HELZ: variants seen among roughly 807,000 people sequenced by gnomAD.
HELZ encodes the protein ATP-dependent RNA helicase with zinc finger domain.
HELZ carries 23 observed loss-of-function variants against 218.2 expected under a neutral mutation model. That is an observed-to-expected ratio of 0.11 (90% CI 0.08 to 0.15). The LOEUF is 0.15. HELZ is among the 10% of genes least tolerant of loss of function. The pLI is 1.00. For synonymous variants in HELZ, 814 were observed against 829.4 expected, an observed-to-expected ratio of 0.98 and a Z score of 0.32; for missense variants, 1,813 against 2,353.7, an observed-to-expected ratio of 0.77 and a Z score of 4.75.
At chr17:67,220,910 A>C (rs1304418692) in intron 3 of HELZ, among the ~76,000 whole-genome samples, 5 of 145,152 alleles carry the variant, frequency 3.4e-5, no homozygotes, top group African/African-American at 1.3e-4. Context: ...TTCCCTTTAA[A>C]CTTCCTCAGC....
chr17:67,233,536 C>A (rs2041094374), intron 3 of HELZ, among the ~76,000 whole-genome samples: 1 of 152,086 alleles, frequency 6.6e-6, no homozygotes, highest in Non-Finnish European at 1.5e-5. Flanking sequence ...CTTGAAGCTT[C>A]CATGTTGGTT....
chr17:67,170,454 C>A (rs941137094), intron 13 of HELZ, among the ~76,000 whole-genome samples: 1 of 152,004 alleles, frequency 6.6e-6, no homozygotes, highest in African/African-American at 2.4e-5. Context: ...GCGGAGGTTG[C>A]AGTGAGCTGA....
intron 12 of HELZ, among the ~76,000 whole-genome samples, chr17:67,184,820 C>CAAATAAATAAATAAATAAAT (rs3048665): frequency 1.1e-4 from 16 of 149,972 alleles, no homozygotes; most frequent in Admixed American, 3.3e-4. Flanking sequence ...TGTCTCTAAA[C>CAAATAAATAAATAAATAAAT]AAATAAATAA....
intron 12 of HELZ, among the ~76,000 whole-genome samples, chr17:67,183,232 C>T (rs919073263): frequency 2.6e-5 from 4 of 152,200 alleles, no homozygotes; most frequent in Non-Finnish European, 4.4e-5. Context: ...TCCTTTCTTT[C>T]ACCCAAACTG....
At chr17:67,245,499 G>T (rs2041460371), upstream of HELZ, 1 of 985,736 alleles carries the variant, frequency 1.0e-6, no homozygotes, top group East Asian at 1.1e-4. Context: ...GACGCCCCGC[G>T]TCTGCATTGA....
intron 8 of HELZ, 22 bp downstream of exon 8, chr17:67,195,397 T>C (rs1192974870): frequency 1.3e-6 from 2 of 1,502,894 alleles, no homozygotes; most frequent in Non-Finnish European, 1.9e-6. Flanking sequence ...CTACCAGAAG[T>C]TACACAGCAT....
intron 13 of HELZ, among the ~76,000 whole-genome samples, chr17:67,170,203 C>T (rs530111340): frequency 6.6e-6 from 1 of 152,312 alleles, no homozygotes; most frequent in South Asian, 2.1e-4. Context: ...ACTCCCAGGG[C>T]TCCATTAAGC....
In HELZ at chr17:67,078,090, T is replaced by TA. The variant is rs1416427735; in HGVS notation, c.*161dup. On this transcript the variant is annotated 3_prime_UTR_variant, in exon 33 of 33. Coordinates refer to ENST00000358691, the MANE Select transcript of HELZ (RefSeq NM_014877.4). Reference sequence around the variant, plus strand: ...AAATGCAAAATAATGGAATATACTTTAAAAAAATTAGTTGCAAGTCTAGCA... The same window carrying TA: ...AAATGCAAAATAATGGAATATACTTTAAAAAAAATTAGTTGCAAGTCTAGCA... The TA allele has an allele frequency of 6.9e-6, 4 of 580,212 alleles. No individual in the cohort carries two copies. The highest frequency in any genetic ancestry group is 1.2e-5 in the Non-Finnish European group (4 of 331,140). The allele number at this position is 580,212 out of a possible 1,614,324, so 35.9% of individuals were successfully genotyped here. A position where few individuals can be genotyped will look rare whatever the true frequency, so the allele number is the denominator to read the frequency against.
chr17:67,162,061 T>C (rs536722381), intron 15 of HELZ, among the ~76,000 whole-genome samples: 1 of 152,322 alleles, frequency 6.6e-6, no homozygotes, highest in Non-Finnish European at 1.5e-5. Flanking sequence ...TGTGAGGCTA[T>C]ATTGTACTTA....
chr17:67,205,056 G>A (rs1042600620), intron 5 of HELZ, among the ~76,000 whole-genome samples: 7 of 152,150 alleles, frequency 4.6e-5, no homozygotes, highest in South Asian at 4.1e-4. Context: ...GCCAGGCATG[G>A]TGGCTCATGC....
intron 20 of HELZ, 137 bp from the exon 21 acceptor site, chr17:67,146,027 T>C (rs2038486174): frequency 1.4e-6 from 1 of 722,712 alleles, no homozygotes; most frequent in Non-Finnish European, 2.2e-6. Flanking sequence ...CATCTAATAC[T>C]TGTGATACCA....
At chr17:67,113,374 C>T (rs1170871406) in intron 28 of HELZ, among the ~76,000 whole-genome samples, 2 of 152,080 alleles carry the variant, frequency 1.3e-5, no homozygotes, top group Non-Finnish European at 2.9e-5. Flanking sequence ...ATTCTCCTGC[C>T]TCAGCCTCCC....
At chr17:67,119,487 C>T (rs2037531171) in intron 27 of HELZ, among the ~76,000 whole-genome samples, 1 of 151,456 alleles carries the variant, frequency 6.6e-6, no homozygotes, top group Non-Finnish European at 1.5e-5. Context: ...GATGGGATTG[C>T]AAAGGGTGGA....
intron 17 of HELZ, among the ~76,000 whole-genome samples, chr17:67,153,510 G>T (rs2038752276): frequency 6.6e-6 from 1 of 152,084 alleles, no homozygotes; most frequent in Non-Finnish European, 1.5e-5. Flanking sequence ...AAGCCCAAAG[G>T]GCTTACAGCC....
At chr17:67,149,657 G>A (rs529329364) in intron 19 of HELZ, among the ~76,000 whole-genome samples, 1 of 152,136 alleles carries the variant, frequency 6.6e-6, no homozygotes, top group South Asian at 2.1e-4. Context: ...AATTATAACA[G>A]TGACAGACTA....
At chr17:67,113,777 C>T (rs533834657) in intron 28 of HELZ, among the ~76,000 whole-genome samples, 6 of 152,260 alleles carry the variant, frequency 3.9e-5, no homozygotes, top group East Asian at 1.9e-4. Context: ...AAGTGAGATA[C>T]GTGTGAAAGA....
chr17:67,120,597 A>G lies in HELZ; in HGVS notation c.3646T>C (p.Tyr1216His), dbSNP rs1249150252. Residue 1216 changes from tyrosine to histidine, a missense_variant, in exon 27 of 33, where the codon TAC becomes CAC. By Grantham distance (83) the Tyr-to-His change is moderately conservative. This residue lies in a region of HELZ where 938 missense variants were observed against 1,027.5 expected (regional missense o/e 0.91). Transcript: ENST00000358691. Reference sequence around the variant, plus strand: ...GGATCAACTGCAAACCTACCCTGGTATCCTGTCCATGGTACCTAGGTTATT... The same window carrying G: ...GGATCAACTGCAAACCTACCCTGGTGTCCTGTCCATGGTACCTAGGTTATT... ...SVPLPVPWTG[Y>H]QGRFAVDPRI... 2.5e-6 allele frequency: 4 copies of G among 1,611,202 alleles called. No individual in the cohort carries two copies.
chr17:67,132,218 C>CTCTGTG (rs139038773), intron 23 of HELZ, among the ~76,000 whole-genome samples: 4 of 147,878 alleles, frequency 2.7e-5, no homozygotes, highest in African/African-American at 9.9e-5. Context: ...CCTTAGGTCA[C>CTCTGTG]TGTGTGTGTG....
chr17:67,184,657 A>G (rs1427825912), intron 12 of HELZ, among the ~76,000 whole-genome samples: 1 of 151,934 alleles, frequency 6.6e-6, no homozygotes, highest in Non-Finnish European at 1.5e-5. Flanking sequence ...TTTTTAATTA[A>G]CTTTTTTAAT....
Sources: allele counts gnomAD v4.1 joint callset (sites outside exome capture counted in the v4.1 genomes callset), GRCh38; gene constraint gnomAD v4.1.1; regional missense constraint gnomAD v4.1.1; transcripts MANE v1.5; gene names NCBI Gene and HGNC (gene_info 2026-07-23, HGNC 2026-07-21).